SNTG1: variants seen among roughly 807,000 people sequenced by gnomAD.
SNTG1 encodes the protein syntrophin gamma 1, also known as gamma-1-syntrophin.
In SNTG1, 39 loss-of-function variants were observed where a neutral mutation model predicts 74.7. The ratio of observed to expected loss-of-function variants is 0.52; its 90% CI spans 0.40 to 0.68. The LOEUF is 0.68. Among genes scored for constraint, SNTG1 ranks in the 30% least tolerant of loss-of-function variants. The probability of loss-of-function intolerance (pLI) is 0.00; values close to 1 mark genes in which losing one functional copy is unlikely to be tolerated. For missense variants in SNTG1, 685 were observed against 609.5 expected (o/e 1.12, Z -1.30); for synonymous variants, 254 against 217.1 (o/e 1.17, Z -1.49).
chr8:50,559,823 T>C (rs114502969), intron 12 of SNTG1, among the ~76,000 whole-genome samples: 5,142 of 152,216 alleles, frequency 0.034, 143 homozygotes, highest in African/African-American at 0.065. Context: ...GACAAAGATT[T>C]CATGACAAAA....
chr8:49,960,366 A>G (rs1447022340), intron 1 of SNTG1, among the ~76,000 whole-genome samples: 2 of 152,172 alleles, frequency 1.3e-5, no homozygotes, highest in African/African-American at 4.8e-5. Context: ...TCAAGATAAT[A>G]CAACAGTTAA....
chr8:50,007,342 G>A (rs1461395525), intron 1 of SNTG1, among the ~76,000 whole-genome samples: 1 of 151,878 alleles, frequency 6.6e-6, no homozygotes, highest in Non-Finnish European at 1.5e-5. Context: ...ACTCTCCTTG[G>A]GTCGTCTTTC....
At chr8:50,063,737 T>C (rs767535680) in intron 1 of SNTG1, among the ~76,000 whole-genome samples, 2 of 152,150 alleles carry the variant, frequency 1.3e-5, no homozygotes, top group Non-Finnish European at 2.9e-5. Context: ...ACTTAATAGC[T>C]TTTTTTTAAA....
At chr8:50,748,258 T>G (rs2095559559) in intron 17 of SNTG1, among the ~76,000 whole-genome samples, 1 of 152,022 alleles carries the variant, frequency 6.6e-6, no homozygotes, top group Non-Finnish European at 1.5e-5. Context: ...TTAAATGTAT[T>G]TATTGGAACC....
intron 4 of SNTG1, among the ~76,000 whole-genome samples, chr8:50,434,110 A>G (rs905903210): frequency 6.9e-6 from 1 of 145,718 alleles, no homozygotes; most frequent in African/African-American, 2.6e-5. Context: ...TCATTGTTCA[A>G]TTCCCACCTA....
chr8:50,383,553 G>T (rs751873131), intron 2 of SNTG1, among the ~76,000 whole-genome samples: 20 of 152,132 alleles, frequency 1.3e-4, no homozygotes, highest in Non-Finnish European at 2.5e-4. Context: ...CTGATCATGT[G>T]GTGGTAGTTG....
At chr8:50,228,063 A>G (rs527257178) in intron 2 of SNTG1, among the ~76,000 whole-genome samples, 7 of 152,034 alleles carry the variant, frequency 4.6e-5, no homozygotes, top group African/African-American at 1.7e-4. Flanking sequence ...TATGTTTAAT[A>G]TGGAACATAA....
intron 1 of SNTG1, among the ~76,000 whole-genome samples, chr8:50,167,368 G>A (rs1443103690): frequency 6.8e-6 from 1 of 146,734 alleles, no homozygotes; most frequent in Non-Finnish European, 1.5e-5. Flanking sequence ...GAAAGCAAAA[G>A]AGTCTGTTTC....
chr8:49,938,607 C>CTTTTCTTTTCTTTTCTTTTCT (rs60669251), intron 1 of SNTG1, among the ~76,000 whole-genome samples: 71 of 27,874 alleles, frequency 2.5e-3, no homozygotes, highest in South Asian at 6.1e-3. Context: ...CTTTTCTTTT[C>CTTTTCTTTTCTTTTCTTTTCT]TTTCTTTCTT....
chr8:50,665,480 G>T (rs1038465019), intron 15 of SNTG1, among the ~76,000 whole-genome samples: 1 of 151,824 alleles, frequency 6.6e-6, no homozygotes, highest in Non-Finnish European at 1.5e-5. Flanking sequence ...AAAATATCTG[G>T]GGTCAGAGAG....
At chr8:50,736,151 C>T (rs1207192070) in intron 17 of SNTG1, among the ~76,000 whole-genome samples, 4 of 151,886 alleles carry the variant, frequency 2.6e-5, no homozygotes, top group Admixed American at 2.6e-4. Context: ...AAAACAGTAC[C>T]AGCCACTGCA....
chr8:50,676,845 C>A (rs1033834180), intron 15 of SNTG1, among the ~76,000 whole-genome samples: 1 of 151,812 alleles, frequency 6.6e-6, no homozygotes, highest in Admixed American at 6.6e-5. Context: ...ATTTCTAAAA[C>A]AATGCAAGAT....
intron 1 of SNTG1, among the ~76,000 whole-genome samples, chr8:50,126,784 G>C (rs1172521227): frequency 6.6e-6 from 1 of 151,990 alleles, no homozygotes; most frequent in African/African-American, 2.4e-5. Flanking sequence ...CAGAAAGGCA[G>C]ACAAAACAAA....
chr8:50,376,539 G>T (rs1431516220), intron 2 of SNTG1, among the ~76,000 whole-genome samples: 1 of 151,734 alleles, frequency 6.6e-6, no homozygotes, highest in Admixed American at 6.6e-5. Context: ...GATTCAGCAA[G>T]TAAGTAACCC....
chr8:50,040,822 T>A (rs1818571274), intron 1 of SNTG1, among the ~76,000 whole-genome samples: 1 of 152,188 alleles, frequency 6.6e-6, no homozygotes, highest in Admixed American at 6.5e-5. Flanking sequence ...TCATTAGGGA[T>A]TTTCATGACA....
intron 15 of SNTG1, among the ~76,000 whole-genome samples, chr8:50,699,636 T>C (rs1010390026): frequency 6.6e-6 from 1 of 152,116 alleles, no homozygotes; most frequent in Non-Finnish European, 1.5e-5. Context: ...AACTGATGAG[T>C]TCTTGATATG....
chr8:50,207,490 ATGTTCT>A (rs1160513898), intron 2 of SNTG1, among the ~76,000 whole-genome samples: 1 of 151,466 alleles, frequency 6.6e-6, no homozygotes. Flanking sequence ...TGGTTTATCG[ATGTTCT>A]TGATCTCTTC....
chr8:50,142,664 T>C (rs1347448898), intron 1 of SNTG1, among the ~76,000 whole-genome samples: 1 of 152,170 alleles, frequency 6.6e-6, no homozygotes, highest in Non-Finnish European at 1.5e-5. Flanking sequence ...AATTTTCTAA[T>C]GGCTTGCATT....
chr8:50,541,384 C>G (rs1458342973), intron 11 of SNTG1, among the ~76,000 whole-genome samples: 1 of 151,992 alleles, frequency 6.6e-6, no homozygotes, highest in African/African-American at 2.4e-5. Flanking sequence ...CTCCTGTAGT[C>G]CTTCCATAAC....
Sources: allele counts gnomAD v4.1 joint callset (sites outside exome capture counted in the v4.1 genomes callset), GRCh38; gene constraint gnomAD v4.1.1; transcripts MANE v1.5; gene names NCBI Gene and HGNC (gene_info 2026-07-23, HGNC 2026-07-21).